Variants in CELF4 observed in about 807,000 individuals in gnomAD.
The protein encoded by CELF4 is CUG-BP- and ETR-3-like factor 4.
CELF4 carries 18 observed loss-of-function variants against 59.9 expected under a neutral mutation model. The ratio of observed to expected loss-of-function variants is 0.30; its 90% confidence interval spans 0.21 to 0.45. The LOEUF (loss-of-function observed/expected upper bound fraction) is 0.45. Ranked by LOEUF, CELF4 falls within the 20% of genes least tolerant of loss-of-function variation. The pLI is 1.00. For missense variants in CELF4, 456 were observed against 689.0 expected (o/e 0.66, Z 3.79); for synonymous variants, 261 against 267.1 (o/e 0.98, Z 0.22).
chr18:37,398,979 G>A (rs2099281695), intron 2 of CELF4, among the ~76,000 whole-genome samples: 1 of 152,144 alleles, frequency 6.6e-6, no homozygotes, highest in South Asian at 2.1e-4. Context: ...CTTCCCACCT[G>A]TGGGTGAGGC....
chr18:37,430,026 C>T (rs1428664309), intron 2 of CELF4, among the ~76,000 whole-genome samples: 2 of 152,230 alleles, frequency 1.3e-5, no homozygotes, highest in African/African-American at 4.8e-5. Context: ...GTCTCAGGCA[C>T]CTCCTCCTTC....
chr18:37,310,549 G>A (rs1178991402), intron 3 of CELF4, among the ~76,000 whole-genome samples: 1 of 152,146 alleles, frequency 6.6e-6, no homozygotes, highest in Admixed American at 6.5e-5. Context: ...TGCTCTTTGA[G>A]CTCTTCCGTG....
At chr18:37,506,363 G>A (rs1385973629) in intron 1 of CELF4, among the ~76,000 whole-genome samples, 3 of 152,106 alleles carry the variant, frequency 2.0e-5, no homozygotes, top group Non-Finnish European at 4.4e-5. Flanking sequence ...ATGTGGAGAT[G>A]TGGACAGACC....
At chr18:37,422,207 G>A (rs1044950781) in intron 2 of CELF4, among the ~76,000 whole-genome samples, 1 of 152,220 alleles carries the variant, frequency 6.6e-6, no homozygotes, top group African/African-American at 2.4e-5. Context: ...CCAGACCCCA[G>A]GCAGCTCTTG....
At chr18:37,264,018 C>T (rs982556923) in intron 10 of CELF4, among the ~76,000 whole-genome samples, 1 of 152,178 alleles carries the variant, frequency 6.6e-6, no homozygotes, top group Non-Finnish European at 1.5e-5. Context: ...CCCTTCCTGA[C>T]CCTCTCAGCC....
chr18:37,526,582 A>G (rs945852652), intron 1 of CELF4, among the ~76,000 whole-genome samples: 13 of 152,356 alleles, frequency 8.5e-5, no homozygotes, highest in Admixed American at 2.0e-4. Flanking sequence ...TCAAAGTAGG[A>G]TAATGCTATA....
At chr18:37,278,651 C>T (rs377500014) in intron 3 of CELF4, among the ~76,000 whole-genome samples, 4 of 152,226 alleles carry the variant, frequency 2.6e-5, no homozygotes, top group Non-Finnish European at 4.4e-5. Context: ...TGGGTTTCTC[C>T]GTGCAGGAGG....
At chr18:37,282,227 T>C (rs1463315170) in intron 3 of CELF4, among the ~76,000 whole-genome samples, 1 of 151,402 alleles carries the variant, frequency 6.6e-6, no homozygotes, top group African/African-American at 2.4e-5. Flanking sequence ...CCCCTGGGAG[T>C]GTAGAGAGGA....
At chr18:37,366,503 AGT>A (rs928801743) in intron 2 of CELF4, among the ~76,000 whole-genome samples, 2 of 152,146 alleles carry the variant, frequency 1.3e-5, no homozygotes, top group African/African-American at 4.8e-5. Context: ...CAGGGGCTGC[AGT>A]GTGCCCGACT....
chr18:37,536,484 TC>T (rs1569569795), intron 1 of CELF4, among the ~76,000 whole-genome samples: 3 of 152,120 alleles, frequency 2.0e-5, no homozygotes, highest in Non-Finnish European at 2.9e-5. Context: ...CGGCAAGGGG[TC>T]CCCAGCTACA....
intron 1 of CELF4, among the ~76,000 whole-genome samples, chr18:37,523,863 G>C (rs1303137323): frequency 6.6e-6 from 1 of 152,166 alleles, no homozygotes; most frequent in African/African-American, 2.4e-5. Context: ...AAGGTGGGAG[G>C]AGGGTGGTGG....
At chr18:37,255,849 G>C (rs1450790347) in intron 11 of CELF4, among the ~76,000 whole-genome samples, 1 of 152,142 alleles carries the variant, frequency 6.6e-6, no homozygotes. Flanking sequence ...AAAAGGGCTG[G>C]AGGAGCTGTC....
intron 1 of CELF4, among the ~76,000 whole-genome samples, chr18:37,496,196 C>G (rs894223422): frequency 1.3e-5 from 2 of 152,242 alleles, no homozygotes; most frequent in African/African-American, 4.8e-5. Context: ...TCGAAAATGT[C>G]TGATGCCCTC....
chr18:37,373,771 ATGC>A (rs2098931993), intron 2 of CELF4, among the ~76,000 whole-genome samples: 1 of 151,890 alleles, frequency 6.6e-6, no homozygotes, highest in Non-Finnish European at 1.5e-5. Flanking sequence ...GCAGGGCATC[ATGC>A]CAGCAATGTG....
intron 1 of CELF4, among the ~76,000 whole-genome samples, chr18:37,499,513 G>A (rs2099929042): frequency 6.6e-6 from 1 of 152,180 alleles, no homozygotes; most frequent in Non-Finnish European, 1.5e-5. Flanking sequence ...AGCCCCAAGA[G>A]GGTGGCAGGT....
At chr18:37,400,340 GTA>G (rs973678087) in intron 2 of CELF4, among the ~76,000 whole-genome samples, 1 of 151,538 alleles carries the variant, frequency 6.6e-6, no homozygotes, top group Non-Finnish European at 1.5e-5. Context: ...GTGTGTGTAT[GTA>G]TATATATGTA....
At chr18:37,500,443 G>A (rs1484770360) in intron 1 of CELF4, among the ~76,000 whole-genome samples, 4 of 152,090 alleles carry the variant, frequency 2.6e-5, no homozygotes, top group Admixed American at 6.5e-5. Context: ...CACCTCTTCC[G>A]ACTCCTGCAG....
At chr18:37,353,858 G>A (rs1322020757) in intron 2 of CELF4, among the ~76,000 whole-genome samples, 4 of 149,010 alleles carry the variant, frequency 2.7e-5, no homozygotes, top group Non-Finnish European at 5.9e-5. Context: ...CTGGGTTCCC[G>A]CCATCCTCCT....
chr18:37,472,014 G>T (rs1413702952), intron 2 of CELF4, among the ~76,000 whole-genome samples: 1 of 152,330 alleles, frequency 6.6e-6, no homozygotes, highest in Non-Finnish European at 1.5e-5. Context: ...CCTGGTTAGG[G>T]TTTTCAATCT....
Sources: gnomAD v4.1 joint callset for allele counts (sites outside exome capture counted in the v4.1 genomes callset) on GRCh38, gnomAD v4.1.1 for gene constraint, MANE v1.5 for transcripts, NCBI Gene and HGNC (gene_info 2026-07-23, HGNC 2026-07-21) for gene names.